The following BAHCC1 variants were observed in gnomAD, a reference collection of about 807,000 sequenced individuals.
BAHCC1 encodes BAH domain and coiled-coil containing 1.
Under a neutral mutation model 88.2 loss-of-function variants are expected in BAHCC1, and 43 were observed. The ratio of observed to expected loss-of-function variants is 0.49; its 90% CI spans 0.38 to 0.63. The LOEUF is 0.63. Ranked by LOEUF, BAHCC1 falls within the 20% of genes least tolerant of loss-of-function variation. BAHCC1 has a pLI of 0.00. For synonymous variants in BAHCC1, 1,510 were observed against 745.5 expected (o/e 2.03, Z -16.71); for missense variants, 3,023 against 1,654.8 (o/e 1.83, Z -14.34).
chr17:81,461,212 G>C lies in BAHCC1; in HGVS notation c.6549G>C (p.Leu2183=). The C allele has an allele frequency of 1.4e-6, 1 of 727,108 alleles. No homozygotes were observed. The allele number at this position is 727,108 out of a possible 1,614,324, so 45.0% of individuals were successfully genotyped here. The change falls in exon 26 of 28, where the codon CTG becomes CTC. Residue 2183 remains leucine (L), a synonymous_variant. Transcript: ENST00000675386. ...GPGLPRGAHK[L]LRAKKAERVE... The stretch of plus-strand genomic sequence containing the variant: ...GCCTCCCCAGGGGAGCCCACAAGCT[G>C]CTGCGGGCTAAGAAGGCCGAGAGGG...
Position 81,411,714 on chromosome 17 carries a change from G to C in BAHCC1, c.178+11797G>C, listed in dbSNP as rs2063957310. 3.3e-6 allele frequency: 1 copy of C among 307,542 alleles called. No individual in the cohort carries two copies. Among genetic ancestry groups the C allele is most frequent in the Non-Finnish European group, 6.4e-6 (1 of 155,978 alleles). The allele number at this position is 307,542 out of a possible 1,614,324, so 19.1% of individuals were successfully genotyped here. On this transcript the variant is annotated intron_variant, in intron 2 of 27. Transcript: ENST00000675386. The surrounding 1 kb of genome is among the most constrained non-coding windows in gnomAD (Gnocchi z 6.2). ...CCTTCCACTCTGCCCAGCCCACCCT[G>C]CCAGGGAGGCCTCAGCATAGTCCTT...
Position 81,434,972 on chromosome 17 carries a change from C to A in BAHCC1, c.359-3398C>A, listed in dbSNP as rs1466122243. 6.6e-6 allele frequency among the ~76,000 whole-genome samples: 1 copy of A among 152,056 alleles called. No homozygotes were observed. The highest frequency in any genetic ancestry group is 1.5e-5 in the Non-Finnish European group (1 of 67,972). ...TCCTCCCTCCCCAGGGGTGAGAAGC[C>A]ACCAGGCCTCCCTTCTCCAGGTGGG... On this transcript the variant is annotated intron_variant, in intron 3 of 27. Coordinates refer to ENST00000675386, the MANE Select transcript of BAHCC1 (RefSeq NM_001377448.1). The surrounding 1 kb of genome is among the most constrained non-coding windows in gnomAD (Gnocchi z 4.9).
At position 81,427,226 on chromosome 17, in the gene BAHCC1, C is replaced by G. The variant is rs906075408; in HGVS notation, c.358+247C>G. On this transcript the variant is annotated intron_variant, in intron 3 of 27. Coordinates refer to ENST00000675386, the MANE Select transcript of BAHCC1 (RefSeq NM_001377448.1). ...CCAGATGTGTGCTCCAGATGGGCAG[C>G]AAGGGGAAACAGGGGGGCCAGGAGG... is the stretch of plus-strand genomic sequence containing the variant. Among the ~76,000 whole-genome samples the G allele has an allele frequency of 3.9e-5, 6 of 151,970 alleles. No individual in the cohort carries two copies. The South Asian group carries it at 1.2e-3, about 32-fold the overall frequency.
In BAHCC1 at chr17:81,406,131, C is replaced by T. The variant is rs149234145; in HGVS notation, c.178+6214C>T. 4.0e-3 allele frequency among the ~76,000 whole-genome samples: 607 copies of T among 152,326 alleles called. 1 individual carries two copies. Among genetic ancestry groups the T allele is most frequent in the Non-Finnish European group, 3.9e-3 (267 of 68,022 alleles). On this transcript the variant is annotated intron_variant, in intron 2 of 27. Coordinates refer to ENST00000675386, the MANE Select transcript of BAHCC1 (RefSeq NM_001377448.1). ...GGGTTCATCCTGAATGAGAGGTTTC[C>T]AAAAAGAAGCCCTCCCTCAAGACAG...
At position 81,444,552 on chromosome 17, in the gene BAHCC1, G is replaced by A. The variant is rs555714796; in HGVS notation, c.2496G>A (p.Met832Ile). 1.4e-6 allele frequency: 1 copy of A among 719,552 alleles called. No homozygotes were observed. The highest frequency in any genetic ancestry group is 1.7e-5 in the African/African-American group (1 of 58,226). The allele number at this position is 719,552 out of a possible 1,614,324, so 44.6% of individuals were successfully genotyped here. A position where few individuals can be genotyped will look rare whatever the true frequency, so the allele number is the denominator to read the frequency against. ...GCACCCGCAGCCCCTCCCTGTGGAT[G>A]GGGGGGCACTCCTACGGTCAGTGAT... ...LPRTRSPSLW[M>I]GGHSYGLGHP... The change falls in exon 7 of 28, where the codon ATG becomes ATA. Residue 832 changes from methionine to isoleucine, a missense_variant. Physicochemically the swap from Met to Ile is conservative, Grantham distance 10. Coordinates refer to ENST00000675386, the MANE Select transcript of BAHCC1 (RefSeq NM_001377448.1).
At chr17:81,412,700 G>A (rs993120689) in intron 2 of BAHCC1, among the ~76,000 whole-genome samples, 1 of 152,204 alleles carries the variant, frequency 6.6e-6, no homozygotes, top group Non-Finnish European at 1.5e-5. Flanking sequence ...GCCCCACCCT[G>A]TGGCTCTGTC....
chr17:81,446,948 G>A lies in BAHCC1; in HGVS notation c.3164-88G>A, dbSNP rs1226081955. 4.0e-6 allele frequency: 3 copies of A among 741,352 alleles called. No homozygotes were observed. In the African/African-American group the frequency reaches 5.1e-5, roughly 13 times the overall value. The allele number at this position is 741,352 out of a possible 1,614,324, so 45.9% of individuals were successfully genotyped here. ...CCTTCCGCACGGGCTTGGGTCTGAG[G>A]GTTCGAGGCCACTGTCCTCCGTCCT... On this transcript the variant is annotated intron_variant, in intron 10 of 27. Coordinates refer to ENST00000675386, the MANE Select transcript of BAHCC1 (RefSeq NM_001377448.1).
In BAHCC1 at chr17:81,444,453, C is replaced by T; in HGVS notation, c.2397C>T (p.His799=). 1 of 739,472 alleles carries T rather than the reference C, an allele frequency of 1.4e-6. No homozygotes were observed. The highest frequency in any genetic ancestry group is 2.5e-6 in the Non-Finnish European group (1 of 399,060). 45.8% of individuals were successfully genotyped at this position (739,472 alleles called of 1,614,324 possible). ...PSSCPGDLAP[H]LMMQSGQLGG... is the part of the protein sequence containing the mutation. ...GCTGCCCTGGGGACCTGGCCCCCCACCTCATGATGCAGAGCGGCCAGCTGG... is the reference window on the plus strand; with the variant it reads ...GCTGCCCTGGGGACCTGGCCCCCCATCTCATGATGCAGAGCGGCCAGCTGG... The change falls in exon 7 of 28, where the codon CAC becomes CAT. Residue 799 remains histidine, a synonymous_variant. Coordinates refer to ENST00000675386, the MANE Select transcript of BAHCC1 (RefSeq NM_001377448.1).
chr17:81,408,726 A>G (rs2063911630), intron 2 of BAHCC1, among the ~76,000 whole-genome samples: 1 of 151,276 alleles, frequency 6.6e-6, no homozygotes. Context: ...CTGACCACCC[A>G]CCTGGGTCTG....
At chr17:81,428,760 G>A (rs1052283759) in intron 3 of BAHCC1, among the ~76,000 whole-genome samples, 8 of 152,230 alleles carry the variant, frequency 5.3e-5, no homozygotes, top group Non-Finnish European at 1.0e-4. Context: ...TTGTGCCAAC[G>A]GCTGCCTGGG....
chr17:81,401,801 A>G (rs564272777), intron 2 of BAHCC1: 22 of 149,396 alleles, frequency 1.5e-4, no homozygotes, highest in African/African-American at 4.9e-4. Flanking sequence ...GGCAAGGCCA[A>G]ATTCCCCATC....
chr17:81,436,514 A>G (rs933994782), intron 3 of BAHCC1, among the ~76,000 whole-genome samples: 19 of 152,200 alleles, frequency 1.2e-4, no homozygotes, highest in African/African-American at 4.6e-4. Context: ...ATTTAACAGC[A>G]GCCAATTAAA....
At chr17:81,410,051 T>C (rs1555647564) in intron 2 of BAHCC1, 3 of 353,430 alleles carry the variant, frequency 8.5e-6, no homozygotes, top group Non-Finnish European at 1.8e-5. Flanking sequence ...CTAGGCCTCC[T>C]ACCTCTAAAA....
chr17:81,432,752 C>T, intron 3 of BAHCC1, among the ~76,000 whole-genome samples: 1 of 22,308 alleles, frequency 4.5e-5, no homozygotes, highest in African/African-American at 2.9e-4. Flanking sequence ...CCCCGAGCCC[C>T]AGACCCACCC....
chr17:81,425,355 ATAG>A (rs1383262459), intron 2 of BAHCC1, among the ~76,000 whole-genome samples: 1 of 111,414 alleles, frequency 9.0e-6, no homozygotes, highest in Non-Finnish European at 1.8e-5. Flanking sequence ...GTTGGTGGTG[ATAG>A]TGGTGGGTGA....
Position 81,443,698 on chromosome 17 carries a change from C to G in BAHCC1, c.2216-111C>G, listed in dbSNP as rs966154137. ...CTCCGAGGCCCCAGGACCAGGGGAT[C>G]CTCCTCAGTGCATCAGGCCCCCCAG... is the stretch of plus-strand genomic sequence containing the variant. On this transcript the variant is annotated intron_variant, in intron 5 of 27. Coordinates refer to ENST00000675386, the MANE Select transcript of BAHCC1 (RefSeq NM_001377448.1). 6.8e-5 allele frequency: 44 copies of G among 651,658 alleles called. No homozygotes were observed. The Middle Eastern group carries it at 8.5e-4, about 13-fold the overall frequency. 40.4% of individuals were successfully genotyped at this position (651,658 alleles called of 1,614,324 possible). A position where few individuals can be genotyped will look rare whatever the true frequency, so the allele number is the denominator to read the frequency against.
chr17:81,445,586 C>T lies in BAHCC1; in HGVS notation c.3068C>T (p.Ala1023Val), dbSNP rs1946330985. 4.1e-6 allele frequency: 3 copies of T among 725,782 alleles called. No homozygotes were observed. In the South Asian group the frequency reaches 4.4e-5, roughly 11 times the overall value. 45.0% of individuals were successfully genotyped at this position (725,782 alleles called of 1,614,324 possible). The change falls in exon 10 of 28, where the codon GCC (alanine) becomes GTC (valine). Residue 1023 changes from alanine to valine, a missense_variant. Coordinates refer to ENST00000675386, the MANE Select transcript of BAHCC1 (RefSeq NM_001377448.1). ...CCGTGCACTTTAAATGTCTGCCCTG[C>T]CAGCAGCCCCGGGCCTGGCTCCCGG... is the stretch of plus-strand genomic sequence containing the variant. ...SAPCTLNVCP[A>V]SSPGPGSRVR... is the part of the protein sequence containing the mutation.
In BAHCC1 at chr17:81,458,425, AG is replaced by A; in HGVS notation, c.5305del (p.Ala1769ProfsTer38). On this transcript the variant is annotated frameshift_variant, in exon 18 of 28. Coordinates refer to ENST00000675386, the MANE Select transcript of BAHCC1 (RefSeq NM_001377448.1). ...CCAGCTGGCCAGTGAGCGCCTCAAG[AG>A]GGCCACGCGCAAGGGCACAGTGCTG... is the stretch of plus-strand genomic sequence containing the variant. The part of the protein sequence containing the change: ...GSQLASERLK[R>X]ATRKGTVLQP... 1 of 742,118 alleles carries A rather than the reference AG, an allele frequency of 1.3e-6. No homozygotes were observed. 46.0% of individuals were successfully genotyped at this position (742,118 alleles called of 1,614,324 possible).
chr17:81,440,177 C>T (rs373851664), intron 4 of BAHCC1, among the ~76,000 whole-genome samples: 111 of 152,332 alleles, frequency 7.3e-4, no homozygotes, highest in African/African-American at 2.1e-3. Flanking sequence ...CCGCAGGCCC[C>T]GTTCCCCTAG....
Sources: gnomAD v4.1 joint callset for allele counts (sites outside exome capture counted in the v4.1 genomes callset) on GRCh38, gnomAD v4.1.1 for gene constraint, Gnocchi (gnomAD v3.1) non-coding constraint, MANE v1.5 for transcripts, NCBI Gene and HGNC (gene_info 2026-07-23, HGNC 2026-07-21) for gene names.